Variants in GSE1 observed in about 807,000 individuals in gnomAD.
The protein encoded by GSE1 is genetic suppressor element 1.
Under a neutral mutation model 112.6 loss-of-function variants are expected in GSE1, and 32 were observed. The observed-to-expected ratio is 0.28, with a 90% CI of 0.21 to 0.38. GSE1 has a LOEUF of 0.38. GSE1 is among the 10% of genes least tolerant of loss of function. The pLI is 1.00. For missense variants in GSE1, 2,348 were observed against 1,699.2 expected, an observed-to-expected ratio of 1.38 and a Z score of -6.71; for synonymous variants, 1,115 against 735.6, an observed-to-expected ratio of 1.52 and a Z score of -8.35.
intron 2 of GSE1, among the ~76,000 whole-genome samples, chr16:85,391,971 G>C (rs1263050896): frequency 1.3e-5 from 2 of 152,132 alleles, no homozygotes; most frequent in Non-Finnish European, 2.9e-5. Context: ...AGAAGGAAAG[G>C]TGTTGGTGGA....
At chr16:85,391,711 G>T (rs946965379) in intron 2 of GSE1, among the ~76,000 whole-genome samples, 11 of 152,162 alleles carry the variant, frequency 7.2e-5, no homozygotes, top group Admixed American at 6.5e-5. Context: ...TACAGGTTCC[G>T]GGTGGACATG....
At chr16:85,633,817 C>T (rs1225789220) in intron 1 of GSE1, 97 bp from the exon 2 acceptor site, 1 of 912,080 alleles carries the variant, frequency 1.1e-6, no homozygotes, top group African/African-American at 1.7e-5. Context: ...CCCCTGCTCC[C>T]TGCCTGCTGC....
intron 1 of GSE1, among the ~76,000 whole-genome samples, chr16:85,215,760 G>T (rs188707658): frequency 1.2e-4 from 18 of 152,234 alleles, no homozygotes; most frequent in African/African-American, 3.9e-4. Context: ...ATTCTGGGGG[G>T]GTGTGATTAT....
At chr16:85,302,906 G>A (rs567120152) in intron 1 of GSE1, among the ~76,000 whole-genome samples, 1 of 152,310 alleles carries the variant, frequency 6.6e-6, no homozygotes, top group African/African-American at 2.4e-5. Context: ...CGGGTCCAAC[G>A]GGGTGCTCAG....
intron 2 of GSE1, among the ~76,000 whole-genome samples, chr16:85,400,316 TG>T (rs1390154097): frequency 1.3e-5 from 2 of 151,874 alleles, no homozygotes; most frequent in East Asian, 3.9e-4. Flanking sequence ...TATGATTTTG[TG>T]TGTGTGATTA....
At chr16:85,444,800 C>T (rs2049467645) in intron 2 of GSE1, among the ~76,000 whole-genome samples, 1 of 152,158 alleles carries the variant, frequency 6.6e-6, no homozygotes, top group African/African-American at 2.4e-5. Flanking sequence ...GGCCCCTGCC[C>T]CAGTCCCTCT....
At position 85,673,567 on chromosome 16, in the gene GSE1, G is replaced by A. The variant is rs990682303; in HGVS notation, c.*1028G>A. On this transcript the variant is annotated 3_prime_UTR_variant, in exon 16 of 16. Transcript: ENST00000253458. ...TGAAGTGTTTTTAAAAATTAAAGAA[G>A]AAGAAAAGTAAAAGAGCTTACCACT... The A allele has an allele frequency of 1.4e-4, 21 of 151,932 alleles. No individual in the cohort carries two copies. The highest frequency in any genetic ancestry group is 4.8e-4 in the African/African-American group (20 of 41,384). The allele number at this position is 151,932 out of a possible 1,614,324, so 9.4% of individuals were successfully genotyped here.
At chr16:85,212,405 C>CA (rs369119370) in intron 1 of GSE1, among the ~76,000 whole-genome samples, 4,920 of 150,946 alleles carry the variant, frequency 0.033, 285 homozygotes, top group African/African-American at 0.11. Flanking sequence ...GACTAGGTCT[C>CA]AAAAAAAACA....
At chr16:85,262,896 C>A (rs1191568408) in intron 1 of GSE1, among the ~76,000 whole-genome samples, 4 of 152,220 alleles carry the variant, frequency 2.6e-5, no homozygotes, top group South Asian at 2.1e-4. Context: ...TAATTGACTA[C>A]CGACTGTATG....
At chr16:85,434,342 A>ATCATC (rs60865079) in intron 2 of GSE1, among the ~76,000 whole-genome samples, 7 of 126,156 alleles carry the variant, frequency 5.5e-5, no homozygotes, top group African/African-American at 2.1e-4. Context: ...TAATAATAAT[A>ATCATC]ATAATCAGTG....
intron 2 of GSE1, among the ~76,000 whole-genome samples, chr16:85,641,029 G>A (rs552180154): frequency 5.3e-5 from 8 of 152,358 alleles, no homozygotes; most frequent in African/African-American, 1.9e-4. Flanking sequence ...CAGGGTGGAG[G>A]AGCCCAGTAC....
chr16:85,266,092 C>T (rs965261929), intron 1 of GSE1, among the ~76,000 whole-genome samples: 21 of 152,172 alleles, frequency 1.4e-4, no homozygotes, highest in East Asian at 5.8e-4. Context: ...ATGGGAAGGC[C>T]GTTCCAAGGA....
chr16:85,565,314 C>A (rs1429092713), intron 1 of GSE1, among the ~76,000 whole-genome samples: 3 of 151,198 alleles, frequency 2.0e-5, no homozygotes, highest in African/African-American at 4.9e-5. Context: ...ATCACTTGAA[C>A]CTGGGAGCGG....
chr16:85,636,263 G>T (rs1196938801), intron 2 of GSE1, among the ~76,000 whole-genome samples: 1 of 152,360 alleles, frequency 6.6e-6, no homozygotes, highest in East Asian at 1.9e-4. Context: ...TGAGCCATGT[G>T]CCCATCGGTT....
chr16:85,247,339 G>C (rs1053709090), intron 1 of GSE1, among the ~76,000 whole-genome samples: 2 of 152,182 alleles, frequency 1.3e-5, no homozygotes, highest in Non-Finnish European at 2.9e-5. Context: ...ACATTGGATG[G>C]ACAATGGATG....
chr16:85,656,907 G>A (rs2052007998), intron 7 of GSE1, among the ~76,000 whole-genome samples: 1 of 152,244 alleles, frequency 6.6e-6, no homozygotes, highest in African/African-American at 2.4e-5. Flanking sequence ...ATTAGGAAGG[G>A]ATGTTTTGAG....
At chr16:85,236,886 C>G (rs998812756) in intron 1 of GSE1, among the ~76,000 whole-genome samples, 1 of 152,206 alleles carries the variant, frequency 6.6e-6, no homozygotes, top group Non-Finnish European at 1.5e-5. Flanking sequence ...TTCCTTAGAC[C>G]TCACAACTTC....
intron 1 of GSE1, among the ~76,000 whole-genome samples, chr16:85,260,801 A>G (rs2144103119): frequency 1.3e-5 from 2 of 152,264 alleles, no homozygotes; most frequent in Middle Eastern, 6.8e-3. Flanking sequence ...CTGTACTGGG[A>G]GCCCCCACCC....
rs146849450 is a variant in GSE1 at position 85,245,872 on chromosome 16, C to T, written c.2283+74065C>T. 1.4e-3 allele frequency among the ~76,000 whole-genome samples: 217 copies of T among 151,588 alleles called. 1 individual carries two copies. Among genetic ancestry groups the T allele is most frequent in the African/African-American group, 4.9e-3 (204 of 41,252 alleles). On this transcript the variant is annotated intron_variant, in intron 1 of 2. Coordinates refer to the GSE1 transcript ENST00000637419. ...TCCTCACTGGGAGTTCTGCCTCCTG[C>T]GTGTGCGTGTGTGTGTGTGCGTGTG...
Sources: allele counts gnomAD v4.1 joint callset (sites outside exome capture counted in the v4.1 genomes callset), GRCh38; gene constraint gnomAD v4.1.1; transcripts MANE v1.5; gene names NCBI Gene and HGNC (gene_info 2026-07-23, HGNC 2026-07-21).